CEP112: variants seen among roughly 807,000 people sequenced by gnomAD.
CEP112 encodes the protein centrosomal protein of 112 kDa.
Under a neutral mutation model 153.0 loss-of-function variants are expected in CEP112, and 127 were observed. The ratio of observed to expected loss-of-function variants is 0.83; its 90% CI spans 0.72 to 0.96. CEP112 has a LOEUF of 0.96. CEP112 is among the 40% of genes least tolerant of loss of function. The probability of loss-of-function intolerance (pLI) is 0.00; values close to 1 mark genes in which losing one functional copy is unlikely to be tolerated. For synonymous variants in CEP112, 358 were observed against 374.4 expected (o/e 0.96, Z 0.51); for missense variants, 1,089 against 1,101.2 (o/e 0.99, Z 0.16).
chr17:65,920,657 CT>C (rs1468655654), intron 19 of CEP112, among the ~76,000 whole-genome samples: 7 of 151,502 alleles, frequency 4.6e-5, no homozygotes, highest in Admixed American at 6.6e-5. Context: ...AGTTCCAGAC[CT>C]TTCTACACTC....
intron 21 of CEP112, among the ~76,000 whole-genome samples, chr17:65,810,165 TAGAA>T (rs1433616646): frequency 7.9e-5 from 12 of 152,210 alleles, no homozygotes; most frequent in Non-Finnish European, 1.2e-4. Flanking sequence ...TAAGTATTAA[TAGAA>T]AGACCTTTTG....
chr17:66,051,753 G>A (rs570915311), intron 12 of CEP112, among the ~76,000 whole-genome samples: 58 of 152,342 alleles, frequency 3.8e-4, no homozygotes, highest in Admixed American at 1.0e-3. Flanking sequence ...AAGCCAGGCT[G>A]GCCTGGGGAG....
chr17:65,802,660 C>T (rs1250546470), intron 21 of CEP112, among the ~76,000 whole-genome samples: 4 of 152,144 alleles, frequency 2.6e-5, no homozygotes, highest in African/African-American at 9.7e-5. Context: ...ATACATACCC[C>T]ATGGAAAGCA....
intron 21 of CEP112, among the ~76,000 whole-genome samples, chr17:65,759,427 G>T (rs903009271): frequency 1.3e-5 from 2 of 152,054 alleles, no homozygotes; most frequent in Admixed American, 1.3e-4. Context: ...TATGAATCCA[G>T]TTATGGCCAG....
At chr17:65,717,380 G>T (rs1274903588) in intron 23 of CEP112, among the ~76,000 whole-genome samples, 1 of 152,172 alleles carries the variant, frequency 6.6e-6, no homozygotes, top group Non-Finnish European at 1.5e-5. Flanking sequence ...GAAGAGAGAA[G>T]ATTCCGCCCC....
intron 17 of CEP112, among the ~76,000 whole-genome samples, chr17:66,002,841 A>G (rs2064119385): frequency 1.3e-5 from 2 of 152,226 alleles, no homozygotes; most frequent in African/African-American, 4.8e-5. Context: ...TACATGGATA[A>G]ATAACACTAC....
intron 12 of CEP112, among the ~76,000 whole-genome samples, chr17:66,051,968 T>C (rs1033125793): frequency 6.6e-6 from 1 of 152,248 alleles, no homozygotes; most frequent in Non-Finnish European, 1.5e-5. Context: ...TGGCCTATCT[T>C]AGATGTGTTC....
intron 24 of CEP112, among the ~76,000 whole-genome samples, chr17:65,681,279 C>T (rs552967397): frequency 8.9e-4 from 135 of 152,162 alleles, no homozygotes; most frequent in Admixed American, 1.8e-3. Context: ...CTCTTCCTGC[C>T]CATTCCTTTT....
chr17:66,170,286 T>C (rs887757890), intron 4 of CEP112, among the ~76,000 whole-genome samples: 2 of 152,070 alleles, frequency 1.3e-5, no homozygotes, highest in African/African-American at 4.8e-5. Flanking sequence ...TTATCAGACC[T>C]CCATGGTAAG....
At chr17:65,723,385 AATT>A (rs1206043377) in intron 23 of CEP112, among the ~76,000 whole-genome samples, 5 of 152,240 alleles carry the variant, frequency 3.3e-5, no homozygotes, top group Non-Finnish European at 7.3e-5. Flanking sequence ...AATATGGAAT[AATT>A]AGTTTTTTAG....
intron 24 of CEP112, among the ~76,000 whole-genome samples, chr17:65,647,233 G>C (rs1567805372): frequency 7.0e-6 from 1 of 142,784 alleles, no homozygotes; most frequent in Non-Finnish European, 1.5e-5. Context: ...GAGTGCAATG[G>C]CGCGATCTCG....
chr17:65,902,294 T>A lies in CEP112; in HGVS notation c.2021A>T (p.His674Leu). 7 of 1,613,880 alleles carry A rather than the reference T, an allele frequency of 4.3e-6. No individual in the cohort carries two copies. The highest frequency in any genetic ancestry group is 5.9e-6 in the Non-Finnish European group (7 of 1,179,968). Reference sequence around the variant, plus strand: ...CTCTGCGTTATGCTGCTGTAATAGGTGCGTCTTCTCCTGTTCATGCTCCAG... The same window carrying A: ...CTCTGCGTTATGCTGCTGTAATAGGAGCGTCTTCTCCTGTTCATGCTCCAG... ...LKLEHEQEKT[H>L]LLQQHNAEKD... Residue 674 changes from histidine to leucine, a missense_variant, in exon 20 of 27, where the codon CAC becomes CTC. Coordinates refer to ENST00000535342, the MANE Select transcript of CEP112 (RefSeq NM_001199165.4).
At chr17:66,147,613 C>A (rs1361972362) in intron 4 of CEP112, among the ~76,000 whole-genome samples, 1 of 151,968 alleles carries the variant, frequency 6.6e-6, no homozygotes, top group Non-Finnish European at 1.5e-5. Context: ...AAAGCTTTTC[C>A]CTATGTCTTC....
intron 23 of CEP112, among the ~76,000 whole-genome samples, chr17:65,711,514 A>C (rs2049182752): frequency 6.6e-6 from 1 of 152,180 alleles, no homozygotes; most frequent in Admixed American, 6.5e-5. Flanking sequence ...GAAATGGGCA[A>C]CCATATTTAC....
At chr17:66,188,510 C>G (rs886971313) in intron 1 of CEP112, among the ~76,000 whole-genome samples, 9 of 151,866 alleles carry the variant, frequency 5.9e-5, no homozygotes, top group Admixed American at 5.9e-4. Context: ...AGCTGGCCCC[C>G]CCTTGCCCTA....
At chr17:65,851,508 T>A (rs1367242497) in intron 21 of CEP112, among the ~76,000 whole-genome samples, 1 of 152,182 alleles carries the variant, frequency 6.6e-6, no homozygotes, top group Non-Finnish European at 1.5e-5. Context: ...ATCAAAATAA[T>A]ATTGGACAAT....
intron 20 of CEP112, among the ~76,000 whole-genome samples, chr17:65,867,349 A>C (rs2146459368): frequency 6.6e-6 from 1 of 152,298 alleles, no homozygotes; most frequent in Non-Finnish European, 1.5e-5. Context: ...CAAGTGGGTG[A>C]AACAAACCCA....
In CEP112 at chr17:66,018,603, A is replaced by G. The variant is rs1376557782; in HGVS notation, c.1656+8898T>C. The stretch of plus-strand genomic sequence containing the variant: ...CATGGTTTAAAACATCACTAAAGGC[A>G]CACGTACTCTTAAAAATCATGTCAG... On this transcript the variant is annotated intron_variant, in intron 16 of 26. Coordinates refer to ENST00000535342, the MANE Select transcript of CEP112 (RefSeq NM_001199165.4). Among the ~76,000 whole-genome samples the G allele has an allele frequency of 6.6e-5, 10 of 152,338 alleles. No homozygotes were observed. In the East Asian group the frequency reaches 1.7e-3, roughly 26 times the overall value.
chr17:65,833,847 C>G (rs2057190629), intron 21 of CEP112, among the ~76,000 whole-genome samples: 1 of 152,160 alleles, frequency 6.6e-6, no homozygotes, highest in African/African-American at 2.4e-5. Context: ...TTAGAAAAAA[C>G]TATTTCAATA....
Sources: allele counts gnomAD v4.1 joint callset (sites outside exome capture counted in the v4.1 genomes callset), GRCh38; gene constraint gnomAD v4.1.1; transcripts MANE v1.5; gene names NCBI Gene and HGNC (gene_info 2026-07-23, HGNC 2026-07-21).